The following UBAC2 variants were observed in gnomAD, a reference collection of about 807,000 sequenced individuals.
UBAC2 encodes the protein UBA domain containing 2.
Under a neutral mutation model 44.0 loss-of-function variants are expected in UBAC2, and 26 were observed. The ratio of observed to expected loss-of-function variants is 0.59; its 90% CI spans 0.43 to 0.82. UBAC2 has a LOEUF of 0.82. Among genes scored for constraint, UBAC2 ranks in the 40% least tolerant of loss-of-function variants. The pLI is 0.00. For missense variants in UBAC2, 329 were observed against 419.4 expected (o/e 0.78, Z 1.88); for synonymous variants, 155 against 154.3 (o/e 1.00, Z -0.04).
At chr13:99,305,427 C>T (rs2044319035) in intron 4 of UBAC2, among the ~76,000 whole-genome samples, 1 of 152,182 alleles carries the variant, frequency 6.6e-6, no homozygotes, top group Non-Finnish European at 1.5e-5. Flanking sequence ...TTAACCATAG[C>T]AGAGAGAAAA....
chr13:99,217,022 G>A (rs1003374968), intron 1 of UBAC2, among the ~76,000 whole-genome samples: 2 of 152,006 alleles, frequency 1.3e-5, no homozygotes, highest in South Asian at 2.1e-4. Context: ...GTAGAAACGG[G>A]GTTTCACCAT....
intron 7 of UBAC2, among the ~76,000 whole-genome samples, chr13:99,352,292 CA>C (rs1405491594): frequency 6.6e-6 from 1 of 152,180 alleles, no homozygotes; most frequent in Non-Finnish European, 1.5e-5. Flanking sequence ...AATTTGAGAA[CA>C]TTTTTCATCA....
At chr13:99,287,615 ATCTT>A (rs1186462765) in intron 4 of UBAC2, among the ~76,000 whole-genome samples, 12 of 135,546 alleles carry the variant, frequency 8.9e-5, no homozygotes, top group Non-Finnish European at 1.6e-4. Flanking sequence ...AAGGAAAAAT[ATCTT>A]TCTTTCTTCT....
Position 99,239,838 on chromosome 13 carries a change from C to T in UBAC2, c.159+1284C>T, listed in dbSNP as rs578253012. On this transcript the variant is annotated intron_variant, in intron 2 of 8. Transcript: ENST00000403766. The stretch of plus-strand genomic sequence containing the variant: ...CTAAACACACGCATACACATAAGAA[C>T]GTGATCTGTAGGTCACAGGTGTACA... Among the ~76,000 whole-genome samples the T allele has an allele frequency of 1.1e-4, 17 of 152,256 alleles. No individual in the cohort carries two copies. In the East Asian group the frequency reaches 2.7e-3, roughly 24 times the overall value.
intron 1 of UBAC2, among the ~76,000 whole-genome samples, chr13:99,211,953 C>G (rs2042941575): frequency 6.6e-6 from 1 of 152,204 alleles, no homozygotes; most frequent in African/African-American, 2.4e-5. Flanking sequence ...TGCCAGTGCA[C>G]AAGTCTGCCT....
chr13:99,336,553 G>C (rs979082581), intron 6 of UBAC2, among the ~76,000 whole-genome samples: 1 of 151,950 alleles, frequency 6.6e-6, no homozygotes, highest in Non-Finnish European at 1.5e-5. Flanking sequence ...TAGCCCATGT[G>C]CCCCTTCCCT....
At chr13:99,262,160 T>A (rs745566697) in intron 4 of UBAC2, among the ~76,000 whole-genome samples, 1 of 152,236 alleles carries the variant, frequency 6.6e-6, no homozygotes, top group Non-Finnish European at 1.5e-5. Context: ...ACTGTCACAG[T>A]GTCACAGTGC....
intron 4 of UBAC2, chr13:99,296,006 A>C: frequency 6.2e-7 from 1 of 1,614,128 alleles, no homozygotes; most frequent in Non-Finnish European, 8.5e-7. Context: ...TAAGTTTCCC[A>C]CGAGCCCAAT....
chr13:99,367,320 G>A (rs2045344624), intron 7 of UBAC2, among the ~76,000 whole-genome samples: 1 of 152,206 alleles, frequency 6.6e-6, no homozygotes. Flanking sequence ...GAAGAAGAAA[G>A]GTAGAGCAGG....
chr13:99,289,800 C>G (rs1408698534), intron 4 of UBAC2, among the ~76,000 whole-genome samples: 1 of 152,142 alleles, frequency 6.6e-6, no homozygotes, highest in African/African-American at 2.4e-5. Context: ...CATTCAGGGA[C>G]CCAGGCTGAC....
In UBAC2 at chr13:99,247,315, C is replaced by T. The variant is rs372200353; in HGVS notation, c.389+2691C>T. On this transcript the variant is annotated intron_variant, in intron 4 of 8. Transcript: ENST00000403766. ...CTGCAAGCTCCGCCTCCCCGGTTCACGCCATTCTCCTGCCTCAGCCTCCCG... is the reference window on the plus strand; with the variant it reads ...CTGCAAGCTCCGCCTCCCCGGTTCATGCCATTCTCCTGCCTCAGCCTCCCG... 1.3e-3 allele frequency among the ~76,000 whole-genome samples: 202 copies of T among 151,610 alleles called. 2 individuals are homozygous for T. Among genetic ancestry groups the T allele is most frequent in the African/African-American group, 4.7e-3 (196 of 41,374 alleles).
At chr13:99,302,919 T>C (rs1415246043) in intron 4 of UBAC2, among the ~76,000 whole-genome samples, 1 of 152,202 alleles carries the variant, frequency 6.6e-6, no homozygotes, top group Non-Finnish European at 1.5e-5. Flanking sequence ...TTGATAGCTA[T>C]GTTTATGTCC....
At chr13:99,241,255 A>C (rs376868191) in intron 2 of UBAC2, among the ~76,000 whole-genome samples, 56 of 129,974 alleles carry the variant, frequency 4.3e-4, no homozygotes, top group African/African-American at 1.5e-3. Flanking sequence ...ACAGAGTGAG[A>C]CCCTGTCTCA....
At chr13:99,350,824 T>A (rs557830291) in intron 7 of UBAC2, among the ~76,000 whole-genome samples, 4 of 152,194 alleles carry the variant, frequency 2.6e-5, no homozygotes, top group African/African-American at 9.6e-5. Context: ...CTTGTGGGAG[T>A]GGGCCCTTAA....
intron 4 of UBAC2, among the ~76,000 whole-genome samples, chr13:99,260,035 T>C (rs1277420195): frequency 6.6e-6 from 1 of 152,204 alleles, no homozygotes; most frequent in Non-Finnish European, 1.5e-5. Flanking sequence ...ACTGGCTACA[T>C]TTGCTCTTCC....
intron 7 of UBAC2, among the ~76,000 whole-genome samples, chr13:99,358,709 A>G (rs1333210034): frequency 6.6e-6 from 1 of 152,180 alleles, no homozygotes; most frequent in African/African-American, 2.4e-5. Flanking sequence ...CACACGGGGC[A>G]GTGAGAGTGA....
chr13:99,216,236 C>A (rs2042994060), intron 1 of UBAC2, among the ~76,000 whole-genome samples: 2 of 151,930 alleles, frequency 1.3e-5, no homozygotes, highest in Admixed American at 6.6e-5. Flanking sequence ...GAAGTAGTAG[C>A]TAGGATTATA....
intron 1 of UBAC2, among the ~76,000 whole-genome samples, chr13:99,220,223 G>A (rs897472374): frequency 6.6e-6 from 1 of 152,108 alleles, no homozygotes; most frequent in African/African-American, 2.4e-5. Flanking sequence ...TTATAGTCAG[G>A]CAGAACCAAG....
At chr13:99,328,276 G>T (rs2044667599) in intron 6 of UBAC2, among the ~76,000 whole-genome samples, 1 of 152,174 alleles carries the variant, frequency 6.6e-6, no homozygotes, top group Non-Finnish European at 1.5e-5. Context: ...CATTTGAGTT[G>T]CTTCCAGGTT....
Sources: allele counts gnomAD v4.1 joint callset (sites outside exome capture counted in the v4.1 genomes callset), GRCh38; gene constraint gnomAD v4.1.1; transcripts MANE v1.5; gene names NCBI Gene and HGNC (gene_info 2026-07-23, HGNC 2026-07-21).